The following LDLRAD3 variants were observed in gnomAD, a reference collection of about 807,000 sequenced individuals.
LDLRAD3 encodes low density lipoprotein receptor class A domain containing 3, also known as low-density lipoprotein receptor class A domain-containing protein 3.
LDLRAD3 carries 20 observed loss-of-function variants against 29.4 expected under a neutral mutation model. The ratio of observed to expected loss-of-function variants is 0.68; its 90% CI spans 0.48 to 0.99. The LOEUF is 0.99. LDLRAD3 is among the 50% of genes least tolerant of loss of function. LDLRAD3 has a pLI of 0.00. For synonymous variants in LDLRAD3, 157 were observed against 192.7 expected, an observed-to-expected ratio of 0.81 and a Z score of 1.53; for missense variants, 420 against 454.3, an observed-to-expected ratio of 0.92 and a Z score of 0.69.
chr11:36,098,367 C>T lies in LDLRAD3; in HGVS notation c.360C>T (p.Cys120=), dbSNP rs751357485. The T allele has an allele frequency of 6.2e-7, 1 of 1,614,204 alleles. No homozygotes were observed. The highest frequency in any genetic ancestry group is 8.5e-7 in the Non-Finnish European group (1 of 1,180,030). ...PLLCSTARYH[C]KNGLCIDKSF... ...TTTGCTCCACCGCCCGCTACCACTG[C>T]AAGAACGGCCTCTGTATTGACAAGA... is the stretch of plus-strand genomic sequence containing the variant. The change falls in exon 4 of 6, where the codon TGC becomes TGT. Residue 120 remains cysteine, a synonymous_variant. Transcript: ENST00000315571.
chr11:36,214,861 T>C (rs1219165022), intron 4 of LDLRAD3, among the ~76,000 whole-genome samples: 2 of 152,244 alleles, frequency 1.3e-5, no homozygotes, highest in African/African-American at 2.4e-5. Flanking sequence ...AGAGACACTC[T>C]GCCGGCTTCT....
At chr11:36,214,515 T>C (rs1393147307) in intron 4 of LDLRAD3, among the ~76,000 whole-genome samples, 1 of 152,212 alleles carries the variant, frequency 6.6e-6, no homozygotes, top group Non-Finnish European at 1.5e-5. Context: ...GAACATGTGT[T>C]TTCTCTATAA....
chr11:35,980,341 C>T (rs11033356), intron 1 of LDLRAD3, among the ~76,000 whole-genome samples: 77,712 of 151,954 alleles, frequency 0.51, 21,112 homozygotes, highest in East Asian at 0.73. Flanking sequence ...GGGCGTTATA[C>T]GGCTTATTGG....
chr11:36,003,361 A>G (rs1565155078), intron 1 of LDLRAD3, among the ~76,000 whole-genome samples: 1 of 152,316 alleles, frequency 6.6e-6, no homozygotes, highest in East Asian at 1.9e-4. Flanking sequence ...CTTTTCTTCC[A>G]TATTAACTGT....
chr11:36,146,603 C>G (rs1854197842), intron 4 of LDLRAD3, among the ~76,000 whole-genome samples: 1 of 152,052 alleles, frequency 6.6e-6, no homozygotes, highest in Admixed American at 6.6e-5. Context: ...TTCTGCGGAC[C>G]CTGAGGGAAA....
intron 4 of LDLRAD3, chr11:36,196,973 A>C (rs978054499): frequency 5.3e-5 from 8 of 152,222 alleles, no homozygotes; most frequent in African/African-American, 1.9e-4. Context: ...GTCATTTAAA[A>C]GGAACCACAA....
chr11:36,094,906 A>G (rs998807952), intron 3 of LDLRAD3, among the ~76,000 whole-genome samples: 7 of 152,154 alleles, frequency 4.6e-5, no homozygotes, highest in Admixed American at 3.3e-4. Context: ...TTTCTTCAAG[A>G]GTCTTGCAGT....
chr11:36,099,483 G>A (rs775756686), intron 4 of LDLRAD3, among the ~76,000 whole-genome samples: 1 of 152,106 alleles, frequency 6.6e-6, no homozygotes, highest in Admixed American at 6.6e-5. Flanking sequence ...GTTTGTTGTT[G>A]GAGATTGTTT....
Position 36,213,691 on chromosome 11 carries a change from G to T in LDLRAD3, c.455-13394G>T, listed in dbSNP as rs111637431. Among the ~76,000 whole-genome samples, 1 of 152,180 alleles carries T rather than the reference G, an allele frequency of 6.6e-6. No individual in the cohort carries two copies. Among genetic ancestry groups the T allele is most frequent in the East Asian group, 1.9e-4 (1 of 5,174 alleles). On this transcript the variant is annotated intron_variant, in intron 4 of 5. Transcript: ENST00000315571. This position sits in a 1 kb window ranked among gnomAD's most constrained non-coding sequence, Gnocchi z 4.1. ...GCCATTGGGGTCAGGCCTGCTCCCC[G>T]CACCTGAGCACAGGGCCCAGCCAGG...
intron 4 of LDLRAD3, among the ~76,000 whole-genome samples, chr11:36,140,065 A>G (rs1854059453): frequency 6.6e-6 from 1 of 152,208 alleles, no homozygotes; most frequent in Non-Finnish European, 1.5e-5. Context: ...TCTGGCAGCC[A>G]TGAAAAGAAC....
At chr11:36,161,467 A>G (rs1854438618) in intron 4 of LDLRAD3, among the ~76,000 whole-genome samples, 1 of 152,184 alleles carries the variant, frequency 6.6e-6, no homozygotes, top group South Asian at 2.1e-4. Flanking sequence ...ATAAATACAT[A>G]CCTGTAGATA....
At chr11:36,145,772 C>T (rs564530654) in intron 4 of LDLRAD3, among the ~76,000 whole-genome samples, 80 of 150,930 alleles carry the variant, frequency 5.3e-4, no homozygotes, top group African/African-American at 1.9e-3. Flanking sequence ...AAGGGTGGTG[C>T]AAGATGTGCT....
chr11:36,030,116 A>C (rs1852217414), intron 1 of LDLRAD3, among the ~76,000 whole-genome samples: 1 of 152,200 alleles, frequency 6.6e-6, no homozygotes, highest in Non-Finnish European at 1.5e-5. Context: ...GGTTGCCTGA[A>C]GAGTCTAGAC....
chr11:36,118,445 C>A lies in LDLRAD3; in HGVS notation c.454+19984C>A, dbSNP rs149002600. 1.4e-3 allele frequency among the ~76,000 whole-genome samples: 214 copies of A among 151,822 alleles called. 1 individual carries two copies. The highest frequency in any genetic ancestry group is 3.5e-3 in the African/African-American group (146 of 41,342). On this transcript the variant is annotated intron_variant, in intron 4 of 5. Coordinates refer to ENST00000315571, the MANE Select transcript of LDLRAD3 (RefSeq NM_174902.4). ...TGTATATGGTATCAGCACATTACTA[C>A]TGTGCCATTTGACACACATGTCTCC...
At chr11:36,021,998 T>TG (rs1852103763) in intron 1 of LDLRAD3, among the ~76,000 whole-genome samples, 3 of 152,186 alleles carry the variant, frequency 2.0e-5, no homozygotes, top group African/African-American at 7.2e-5. Flanking sequence ...ACCAGGCCTT[T>TG]GACTTCTTCC....
At chr11:36,198,290 A>G (rs1855065023) in intron 4 of LDLRAD3, among the ~76,000 whole-genome samples, 1 of 151,994 alleles carries the variant, frequency 6.6e-6, no homozygotes, top group Admixed American at 6.6e-5. Context: ...TTCACATTGC[A>G]TATAATTTAT....
chr11:35,956,636 A>G (rs1028082587), intron 1 of LDLRAD3, among the ~76,000 whole-genome samples: 2 of 152,250 alleles, frequency 1.3e-5, no homozygotes, highest in African/African-American at 4.8e-5. Context: ...TTTTAAATCC[A>G]TCACATCTTC....
At chr11:36,158,666 A>G (rs1052028783) in intron 4 of LDLRAD3, among the ~76,000 whole-genome samples, 2 of 151,818 alleles carry the variant, frequency 1.3e-5, no homozygotes, top group African/African-American at 4.8e-5. Flanking sequence ...TCTGTATATC[A>G]TCATATCCCA....
At chr11:36,025,439 A>G (rs1439503600) in intron 1 of LDLRAD3, among the ~76,000 whole-genome samples, 1 of 143,278 alleles carries the variant, frequency 7.0e-6, no homozygotes, top group Non-Finnish European at 1.5e-5. Flanking sequence ...CCCAGTCTGG[A>G]GTGCAGTGGT....
Sources: gnomAD v4.1 joint callset for allele counts (sites outside exome capture counted in the v4.1 genomes callset) on GRCh38, gnomAD v4.1.1 for gene constraint, Gnocchi (gnomAD v3.1) non-coding constraint, MANE v1.5 for transcripts, NCBI Gene and HGNC (gene_info 2026-07-23, HGNC 2026-07-21) for gene names.